STARD13: variants seen among roughly 807,000 people sequenced by gnomAD.
The protein encoded by STARD13 is StAR related lipid transfer domain containing 13, also known as stAR-related lipid transfer protein 13.
A neutral mutation model predicts 106.4 loss-of-function variants in STARD13; 62 were observed. The ratio of observed to expected loss-of-function variants is 0.58; its 90% CI spans 0.48 to 0.72. The LOEUF (loss-of-function observed/expected upper bound fraction) is 0.72. Ranked by LOEUF, STARD13 falls within the 30% of genes least tolerant of loss-of-function variation. STARD13 has a pLI of 0.00. For missense variants in STARD13, 1,387 were observed against 1,424.0 expected, an observed-to-expected ratio of 0.97 and a Z score of 0.42; for synonymous variants, 565 against 553.0, an observed-to-expected ratio of 1.02 and a Z score of -0.31.
chr13:33,271,769 T>C (rs116767764), intron 1 of STARD13, among the ~76,000 whole-genome samples: 1,863 of 151,466 alleles, frequency 0.012, 41 homozygotes, highest in East Asian at 0.063. Context: ...ACATGAGGGG[T>C]TGGTGAGGAA....
chr13:33,121,458 C>G (rs1463964763), intron 7 of STARD13, among the ~76,000 whole-genome samples: 2 of 151,452 alleles, frequency 1.3e-5, no homozygotes, highest in Non-Finnish European at 2.9e-5. Context: ...ATCCCAGCTA[C>G]TTGGAAGGCT....
chr13:33,235,560 C>T (rs924514814), intron 1 of STARD13, among the ~76,000 whole-genome samples: 7 of 152,308 alleles, frequency 4.6e-5, no homozygotes, highest in East Asian at 1.9e-4. Context: ...CCAGGTGTTT[C>T]GGTCTATGTA....
chr13:33,264,173 C>T (rs987147174), intron 1 of STARD13, among the ~76,000 whole-genome samples: 3 of 152,216 alleles, frequency 2.0e-5, no homozygotes, highest in African/African-American at 7.2e-5. Context: ...AGCCCAGTCA[C>T]TGAGCCAGGC....
At chr13:33,626,075 C>G in the STARD13 span, among the ~76,000 whole-genome samples, 1 of 152,084 alleles carries the variant, frequency 6.6e-6, no homozygotes, top group Admixed American at 6.5e-5. Context: ...AAATATAAAA[C>G]TTTTATATGA....
the STARD13 span, among the ~76,000 whole-genome samples, chr13:33,412,904 C>G: frequency 3.3e-5 from 5 of 152,084 alleles, no homozygotes; most frequent in African/African-American, 9.7e-5. Context: ...AACAAGAGGA[C>G]AGAAAATACA....
chr13:33,617,707 CT>C, the STARD13 span, among the ~76,000 whole-genome samples: 1 of 152,298 alleles, frequency 6.6e-6, no homozygotes, highest in East Asian at 1.9e-4. Context: ...TCTTAGAATT[CT>C]GCCTATGACC....
intron 1 of STARD13, chr13:33,277,437 T>C (rs200279333): frequency 6.6e-6 from 1 of 152,202 alleles, no homozygotes; most frequent in Non-Finnish European, 1.5e-5. Context: ...TCTGTCATAC[T>C]AGGAGAGCCT....
the STARD13 span, among the ~76,000 whole-genome samples, chr13:33,519,457 T>A: frequency 6.6e-6 from 1 of 151,734 alleles, no homozygotes; most frequent in Non-Finnish European, 1.5e-5. Context: ...CCCAAAGTGC[T>A]GAGATTACAG....
chr13:33,274,357 T>C (rs185144582), intron 1 of STARD13, among the ~76,000 whole-genome samples: 40 of 152,160 alleles, frequency 2.6e-4, no homozygotes, highest in African/African-American at 9.4e-4. Flanking sequence ...CAGGTGAAGA[T>C]AGCAAGAAGG....
In STARD13 at chr13:33,104,379, A is replaced by G. The variant is rs1029025070; in HGVS notation, c.*1214T>C. 2.0e-5 allele frequency: 3 copies of G among 152,652 alleles called. No homozygotes were observed. Among genetic ancestry groups the G allele is most frequent in the East Asian group, 1.9e-4 (1 of 5,200 alleles). 9.5% of individuals were successfully genotyped at this position (152,652 alleles called of 1,614,324 possible). The stretch of plus-strand genomic sequence containing the variant: ...AAGAATTAATAAACCCGATTATACT[A>G]TCTAAAACTAATCAAAGAACATAGT... On this transcript the variant is annotated 3_prime_UTR_variant, in exon 14 of 14. Coordinates refer to ENST00000336934, the MANE Select transcript of STARD13 (RefSeq NM_178006.4).
intron 1 of STARD13, among the ~76,000 whole-genome samples, chr13:33,317,211 A>T (rs1229324027): frequency 1.3e-5 from 2 of 151,166 alleles, no homozygotes; most frequent in Non-Finnish European, 2.9e-5. Flanking sequence ...TGAACTCCAG[A>T]CTTGTATCCA....
chr13:33,325,116 G>T (rs998817898), intron 1 of STARD13, among the ~76,000 whole-genome samples: 1 of 152,096 alleles, frequency 6.6e-6, no homozygotes, highest in Non-Finnish European at 1.5e-5. Flanking sequence ...ACATCAAAAA[G>T]TTTGTCACAG....
chr13:33,252,963 T>C (rs1370123670), intron 1 of STARD13, among the ~76,000 whole-genome samples: 1 of 152,190 alleles, frequency 6.6e-6, no homozygotes, highest in Non-Finnish European at 1.5e-5. Flanking sequence ...CTTGGGCCCA[T>C]GTCACAGATG....
chr13:33,107,036 G>A, intron 12 of STARD13, 102 bp from the exon 13 acceptor site: 1 of 1,134,514 alleles, frequency 8.8e-7, no homozygotes, highest in South Asian at 1.6e-5. Context: ...CCAACAACCT[G>A]GGCTCAGATT....
At chr13:33,384,633 G>A in the STARD13 span, among the ~76,000 whole-genome samples, 12 of 152,140 alleles carry the variant, frequency 7.9e-5, no homozygotes, top group African/African-American at 2.7e-4. Context: ...TGTAGAATAA[G>A]GACTCAAAGT....
Position 33,163,605 on chromosome 13 carries a change from A to AAAT in STARD13, c.323+1731_323+1732insATT, listed in dbSNP as rs1555239808. ...ACTCTGTCTCAAAAAAAAAAAAAAAAATATATATATATATATATAAAACAT... is the reference window on the plus strand; with the variant it reads ...ACTCTGTCTCAAAAAAAAAAAAAAAAAATATATATATATATATATATAAAACAT... On this transcript the variant is annotated intron_variant, in intron 3 of 13. Transcript: ENST00000336934. Among the ~76,000 whole-genome samples the AAAT allele has an allele frequency of 8.2e-5, 8 of 97,616 alleles. 1 individual carries two copies. Among genetic ancestry groups the AAAT allele is most frequent in the African/African-American group, 3.5e-4 (8 of 23,184 alleles). 64.0% of individuals were successfully genotyped at this position (97,616 alleles called of 152,430 possible).
chr13:33,360,323 G>A, the STARD13 span, among the ~76,000 whole-genome samples: 40 of 151,798 alleles, frequency 2.6e-4, no homozygotes, highest in Admixed American at 9.8e-4. Context: ...TCCTGCCTCA[G>A]CCTCCCAAGT....
intron 7 of STARD13, among the ~76,000 whole-genome samples, chr13:33,120,320 A>G (rs1876080804): frequency 6.6e-6 from 1 of 152,228 alleles, no homozygotes; most frequent in South Asian, 2.1e-4. Flanking sequence ...GCGTGCACAC[A>G]CACATCCCAG....
the STARD13 span, among the ~76,000 whole-genome samples, chr13:33,649,724 TA>T: frequency 6.6e-6 from 1 of 151,918 alleles, no homozygotes; most frequent in African/African-American, 2.4e-5. Context: ...CTTCTGAATT[TA>T]AAAAAAATTG....
Sources: gnomAD v4.1 joint callset for allele counts (sites outside exome capture counted in the v4.1 genomes callset) on GRCh38, gnomAD v4.1.1 for gene constraint, MANE v1.5 for transcripts, NCBI Gene and HGNC (gene_info 2026-07-23, HGNC 2026-07-21) for gene names.